The following XKR9 variants were observed in gnomAD, a reference collection of about 807,000 sequenced individuals.
The protein encoded by XKR9 is XK related 9, also known as XK-related protein 9.
XKR9 carries 32 observed loss-of-function variants against 32.0 expected under a neutral mutation model. The ratio of observed to expected loss-of-function variants is 1.00; its 90% CI spans 0.76 to 1.34. The LOEUF is 1.34. Among genes scored for constraint, XKR9 ranks in the 40% most tolerant of loss-of-function variants. The pLI is 0.00. For synonymous variants in XKR9, 168 were observed against 143.4 expected (o/e 1.17, Z -1.22); for missense variants, 546 against 429.7 (o/e 1.27, Z -2.39).
the XKR9 span, among the ~76,000 whole-genome samples, chr8:70,997,802 G>A: frequency 4.4e-3 from 670 of 152,142 alleles, 23 homozygotes; most frequent in Admixed American, 0.042. Context: ...TTTACTATAG[G>A]GGCCTCAGCC....
the XKR9 span, among the ~76,000 whole-genome samples, chr8:70,812,682 C>G: frequency 1.2e-4 from 19 of 152,172 alleles, no homozygotes; most frequent in African/African-American, 3.9e-4. Context: ...TGAGTGAACT[C>G]CCATTCACAA....
rs188109111 is a variant in XKR9, at chr8:70,714,526, G to A, written c.493+7373G>A. 5.2e-3 allele frequency among the ~76,000 whole-genome samples: 792 copies of A among 151,794 alleles called. 6 individuals are homozygous for A. Among genetic ancestry groups the A allele is most frequent in the Admixed American group, 9.6e-3 (147 of 15,248 alleles). ...AAAATAATTCAATCTTTTCTCTAGC[G>A]TGGTCGATTGGAATTTGGTTTTTAT... On this transcript the variant is annotated intron_variant, in intron 4 of 4. Transcript: ENST00000408926.
the XKR9 span, among the ~76,000 whole-genome samples, chr8:71,021,665 G>T: frequency 2.0e-5 from 3 of 151,974 alleles, no homozygotes; most frequent in Admixed American, 2.0e-4. Context: ...ACCATGCCCG[G>T]CCAATTTTTG....
intron 3 of XKR9, among the ~76,000 whole-genome samples, chr8:70,698,022 G>A (rs951914970): frequency 3.9e-5 from 6 of 152,084 alleles, no homozygotes; most frequent in African/African-American, 1.4e-4. Context: ...TGTGGGATCG[G>A]TGGTGATATC....
chr8:70,779,202 A>T (rs911469779), intron 2 of XKR9, among the ~76,000 whole-genome samples: 2 of 151,850 alleles, frequency 1.3e-5, no homozygotes, highest in Non-Finnish European at 2.9e-5. Flanking sequence ...TCTATTTCTC[A>T]ATAGATAATC....
chr8:70,733,708 G>GTATA, intron 4 of XKR9, 88 bp from the exon 5 acceptor site: 2 of 1,243,722 alleles, frequency 1.6e-6, no homozygotes, highest in Non-Finnish European at 2.1e-6. Flanking sequence ...GTGGGTGTGT[G>GTATA]TATATAGATA....
chr8:70,873,700 G>A, the XKR9 span, among the ~76,000 whole-genome samples: 1 of 152,218 alleles, frequency 6.6e-6, no homozygotes, highest in Admixed American at 6.5e-5. Context: ...GAATCTACTG[G>A]TGAAGATGCT....
chr8:70,706,976 T>C lies in XKR9; in HGVS notation c.316T>C (p.Tyr106His). Residue 106 changes from tyrosine (Y) to histidine (H), a missense_variant, in exon 4 of 5, where the codon TAT (tyrosine) becomes CAT (histidine). Physicochemically the swap from Tyr to His is moderately conservative, Grantham distance 83 (BLOSUM62 2). Transcript: ENST00000408926. ...LKRGYHAAFKYDSNTSNFVEE... is the reference protein window; with the variant it reads ...LKRGYHAAFKHDSNTSNFVEE... Reference sequence around the variant, plus strand: ...AAGGGGTTACCATGCAGCTTTTAAATATGACAGCAATACTAGTAACTTCGT... The same window carrying C: ...AAGGGGTTACCATGCAGCTTTTAAACATGACAGCAATACTAGTAACTTCGT... 2.5e-6 allele frequency: 4 copies of C among 1,613,268 alleles called. No homozygotes were observed. Among genetic ancestry groups the C allele is most frequent in the East Asian group, 4.5e-5 (2 of 44,832 alleles).
chr8:70,703,222 G>A (rs1419853308), intron 3 of XKR9, among the ~76,000 whole-genome samples: 2 of 149,906 alleles, frequency 1.3e-5, no homozygotes, highest in African/African-American at 4.9e-5. Context: ...ACCTGTTATT[G>A]TTGTTTTGTT....
the XKR9 span, among the ~76,000 whole-genome samples, chr8:70,937,595 G>A: frequency 1.3e-5 from 2 of 152,028 alleles, no homozygotes; most frequent in Non-Finnish European, 2.9e-5. Flanking sequence ...CTTAATTTTG[G>A]TAATGCACAT....
chr8:70,897,639 G>A, the XKR9 span, among the ~76,000 whole-genome samples: 5 of 152,236 alleles, frequency 3.3e-5, no homozygotes, highest in East Asian at 9.6e-4. Flanking sequence ...GTGACTTTGA[G>A]CACCTTTTCA....
chr8:70,759,671 T>C (rs1265630209), intron 2 of XKR9, among the ~76,000 whole-genome samples: 1 of 152,230 alleles, frequency 6.6e-6, no homozygotes, highest in Non-Finnish European at 1.5e-5. Flanking sequence ...CTGCATTCCA[T>C]GGACTTGTTT....
At chr8:71,059,901 T>C in the XKR9 span, among the ~76,000 whole-genome samples, 176 of 152,320 alleles carry the variant, frequency 1.2e-3, no homozygotes, top group African/African-American at 3.8e-3. Context: ...ATAGATGAAA[T>C]CTTAAGAAAC....
the XKR9 span, among the ~76,000 whole-genome samples, chr8:70,868,091 C>T: frequency 2.0e-5 from 3 of 152,194 alleles, no homozygotes. Context: ...GCAGCTCCAC[C>T]CCTGTAGCTT....
the XKR9 span, among the ~76,000 whole-genome samples, chr8:71,030,433 G>A: frequency 1.3e-5 from 2 of 152,124 alleles, no homozygotes; most frequent in Admixed American, 6.6e-5. Context: ...GAATTTGCTC[G>A]GAAATATAGC....
At chr8:70,878,223 G>A in the XKR9 span, among the ~76,000 whole-genome samples, 6 of 152,162 alleles carry the variant, frequency 3.9e-5, no homozygotes, top group African/African-American at 1.2e-4. Flanking sequence ...AAAGACCATC[G>A]ATGCTATGAA....
chr8:70,778,375 T>C (rs1356806304), intron 2 of XKR9, among the ~76,000 whole-genome samples: 2 of 152,220 alleles, frequency 1.3e-5, no homozygotes, highest in East Asian at 3.8e-4. Context: ...TGAAGTCAGG[T>C]AGCCTGATGC....
At chr8:70,950,140 G>A in the XKR9 span, among the ~76,000 whole-genome samples, 2 of 152,134 alleles carry the variant, frequency 1.3e-5, no homozygotes, top group African/African-American at 2.4e-5. Flanking sequence ...TTAAACCCTA[G>A]TATGCCCCAG....
At chr8:70,809,292 C>T in the XKR9 span, among the ~76,000 whole-genome samples, 3 of 152,036 alleles carry the variant, frequency 2.0e-5, no homozygotes, top group Non-Finnish European at 4.4e-5. Context: ...AAACCTCATC[C>T]GTACGTCACC....
Sources: gnomAD v4.1 joint callset for allele counts (sites outside exome capture counted in the v4.1 genomes callset) on GRCh38, gnomAD v4.1.1 for gene constraint, MANE v1.5 for transcripts, NCBI Gene and HGNC (gene_info 2026-07-23, HGNC 2026-07-21) for gene names.